Variants in CLDN16 observed in about 807,000 individuals in gnomAD.
CLDN16 encodes the protein claudin-16.
Under a neutral mutation model 24.6 loss-of-function variants are expected in CLDN16, and 13 were observed. The observed-to-expected ratio is 0.53, with a 90% CI of 0.34 to 0.84. The LOEUF (loss-of-function observed/expected upper bound fraction) is 0.84, where lower values mean the gene tolerates loss of function less well. Among genes scored for constraint, CLDN16 ranks in the 40% least tolerant of loss-of-function variants. CLDN16 has a pLI of 0.01. For missense variants in CLDN16, 298 were observed against 292.7 expected, an observed-to-expected ratio of 1.02 and a Z score of -0.13; for synonymous variants, 116 against 106.7, an observed-to-expected ratio of 1.09 and a Z score of -0.54.
chr3:190,347,807 A>G (rs1717582578), intron 1 of CLDN16, among the ~76,000 whole-genome samples: 1 of 152,166 alleles, frequency 6.6e-6, no homozygotes, highest in South Asian at 2.1e-4. Flanking sequence ...TGAGACCTGC[A>G]TGATATGAGG....
intron 1 of CLDN16, among the ~76,000 whole-genome samples, chr3:190,349,386 T>C (rs751241031): frequency 6.6e-6 from 1 of 152,324 alleles, no homozygotes; most frequent in African/African-American, 2.4e-5. Flanking sequence ...GTAAGTTTCC[T>C]GAGGCCCCCC....
At chr3:190,308,594 C>T in the CLDN16 span, among the ~76,000 whole-genome samples, 102,192 of 152,046 alleles carry the variant, frequency 0.67, 35,661 homozygotes, top group African/African-American at 0.87. Flanking sequence ...TCTGAACATA[C>T]ACGCCAAAGA....
At chr3:190,319,027 T>C (rs1716844130), upstream of CLDN16, among the ~76,000 whole-genome samples, 1 of 152,136 alleles carries the variant, frequency 6.6e-6, no homozygotes, top group South Asian at 2.1e-4. Context: ...GTCTGGTGCT[T>C]GGATCTTCCC....
At chr3:190,391,460 G>C (rs1206671041) in intron 1 of CLDN16, among the ~76,000 whole-genome samples, 1 of 152,060 alleles carries the variant, frequency 6.6e-6, no homozygotes, top group Non-Finnish European at 1.5e-5. Context: ...TTTTGAGCAA[G>C]AAATAAACGA....
chr3:190,351,285 A>T (rs1042996044), intron 1 of CLDN16, among the ~76,000 whole-genome samples: 1 of 152,140 alleles, frequency 6.6e-6, no homozygotes. Context: ...TGAATTACTT[A>T]GTCTCCGGTG....
chr3:190,373,420 T>A (rs1482020691), intron 2 of CLDN16, among the ~76,000 whole-genome samples: 1 of 151,976 alleles, frequency 6.6e-6, no homozygotes, highest in Non-Finnish European at 1.5e-5. Context: ...ATTTTATGAG[T>A]AACTCATTTA....
intron 1 of CLDN16, among the ~76,000 whole-genome samples, chr3:190,365,869 A>G (rs1263525764): frequency 6.6e-6 from 1 of 151,620 alleles, no homozygotes; most frequent in East Asian, 2.0e-4. Context: ...GTTAGCCTAG[A>G]GGAGAAGTGT....
At chr3:190,408,150 G>A (rs759936885) in intron 3 of CLDN16, among the ~76,000 whole-genome samples, 164 bp from the exon 4 acceptor site, 3 of 152,194 alleles carry the variant, frequency 2.0e-5, no homozygotes, top group Non-Finnish European at 2.9e-5. Flanking sequence ...GAAGGCAAAA[G>A]GAAGAGACAG....
chr3:190,398,294 A>T (rs2108665698), intron 1 of CLDN16, among the ~76,000 whole-genome samples: 1 of 152,330 alleles, frequency 6.6e-6, no homozygotes, highest in Non-Finnish European at 1.5e-5. Flanking sequence ...TGGAGGCTGG[A>T]AGCTTATAAT....
At chr3:190,380,251 T>C (rs1178656614) in intron 3 of CLDN16, among the ~76,000 whole-genome samples, 23 of 148,248 alleles carry the variant, frequency 1.6e-4, no homozygotes, top group East Asian at 2.1e-4. Flanking sequence ...CCTTCCTTCC[T>C]TCCTTTCTTC....
chr3:190,294,794 C>A, the CLDN16 span, among the ~76,000 whole-genome samples: 2 of 151,946 alleles, frequency 1.3e-5, no homozygotes, highest in East Asian at 3.9e-4. Flanking sequence ...AACTATAAAC[C>A]ACATGACTTA....
At chr3:190,302,461 A>C in the CLDN16 span, among the ~76,000 whole-genome samples, 1 of 152,146 alleles carries the variant, frequency 6.6e-6, no homozygotes, top group African/African-American at 2.4e-5. Flanking sequence ...ATATACTGCG[A>C]ATGTTAGATT....
intron 3 of CLDN16, 92 bp downstream of exon 3, chr3:190,405,018 C>T: frequency 3.9e-6 from 5 of 1,290,612 alleles, no homozygotes; most frequent in South Asian, 1.2e-5. Flanking sequence ...TGCTCATTTT[C>T]GGATTATATG....
upstream of CLDN16, chr3:190,322,379 G>A (rs1035883832): frequency 7.7e-6 from 5 of 653,044 alleles, no homozygotes; most frequent in African/African-American, 9.0e-5. Flanking sequence ...GTTGGGGTCC[G>A]CGCCCGGGGC....
At chr3:190,356,387 A>G (rs944187344) in intron 1 of CLDN16, among the ~76,000 whole-genome samples, 8 of 151,872 alleles carry the variant, frequency 5.3e-5, no homozygotes, top group East Asian at 1.9e-4. Flanking sequence ...ACAAAATGTT[A>G]TATACACAAA....
chr3:190,392,059 C>CTTTTTTTTTTTTTTTTTTTTTTTTTTT (rs35220103), intron 1 of CLDN16, among the ~76,000 whole-genome samples: 5 of 126,078 alleles, frequency 4.0e-5, no homozygotes, highest in African/African-American at 1.1e-4. Flanking sequence ...CCTTTTCAGT[C>CTTTTTTTTTTTTTTTTTTTTTTTTTTT]TTTTTTTTTT....
chr3:190,305,819 A>G, the CLDN16 span: 1 of 152,226 alleles, frequency 6.6e-6, no homozygotes, highest in Non-Finnish European at 1.5e-5. Context: ...AGAAGAATAT[A>G]AAAAGATCAA....
At chr3:190,396,799 T>G (rs961742770) in intron 1 of CLDN16, among the ~76,000 whole-genome samples, 1 of 152,120 alleles carries the variant, frequency 6.6e-6, no homozygotes, top group Non-Finnish European at 1.5e-5. Context: ...GGTGGGAGGC[T>G]AATGAAAAAA....
intron 2 of CLDN16, 68 bp downstream of exon 2, chr3:190,402,507 C>T: frequency 8.2e-7 from 1 of 1,223,014 alleles, no homozygotes; most frequent in African/African-American, 1.5e-5. Context: ...TTCAGGTTTC[C>T]ATTTTGTGCT....
Sources: allele counts gnomAD v4.1 joint callset (sites outside exome capture counted in the v4.1 genomes callset), GRCh38; gene constraint gnomAD v4.1.1; transcripts MANE v1.5; gene names NCBI Gene and HGNC (gene_info 2026-07-23, HGNC 2026-07-21).